Variants in PCCA observed in about 807,000 individuals in gnomAD.
PCCA encodes the protein propionyl-CoA carboxylase subunit alpha.
In PCCA, 74 loss-of-function variants were observed where a neutral mutation model predicts 101.3. That is an observed-to-expected ratio of 0.73 (90% CI 0.61 to 0.89). The LOEUF (loss-of-function observed/expected upper bound fraction) is 0.89. Among genes scored for constraint, PCCA ranks in the 40% least tolerant of loss-of-function variants. PCCA has a pLI of 0.00. For synonymous variants in PCCA, 294 were observed against 313.6 expected (o/e 0.94, Z 0.66); for missense variants, 891 against 907.0 (o/e 0.98, Z 0.23).
intron 18 of PCCA, among the ~76,000 whole-genome samples, chr13:100,348,922 T>TC (rs2072892836): frequency 1.4e-4 from 9 of 66,394 alleles, no homozygotes; most frequent in Non-Finnish European, 2.5e-4. Context: ...TTCTTTTCTT[T>TC]TCTTTTCTTT....
In PCCA at chr13:100,378,174, C is replaced by T. The variant is rs544885319; in HGVS notation, c.1746+9600C>T. 2.6e-5 allele frequency among the ~76,000 whole-genome samples: 4 copies of T among 152,282 alleles called. No homozygotes were observed. The South Asian group carries it at 8.3e-4, about 32-fold the overall frequency. On this transcript the variant is annotated intron_variant, in intron 19 of 23. Coordinates refer to ENST00000376285, the MANE Select transcript of PCCA (RefSeq NM_000282.4). ...CTTGTCTGGGAAAGACTTTATTTCT[C>T]CTTCATTAATGAAGGATATTATTAC...
At chr13:100,288,686 A>G (rs1195610321) in intron 12 of PCCA, among the ~76,000 whole-genome samples, 1 of 152,240 alleles carries the variant, frequency 6.6e-6, no homozygotes, top group Non-Finnish European at 1.5e-5. Flanking sequence ...TATCATAAGA[A>G]TAGGTTCATT....
Position 100,437,514 on chromosome 13 carries a change from CTATTTTA to C in PCCA, c.1846-11732_1846-11726del, listed in dbSNP as rs531413624. Among the ~76,000 whole-genome samples the C allele has an allele frequency of 9.5e-4, 142 of 149,838 alleles. 3 individuals carry two copies. In the South Asian group the frequency reaches 0.03, roughly 31 times the overall value. ...TCATCATTTAAGGAAAATGAAATAACTATTTTATATTTATTTGTTTATTTGTTTTTTT... is the reference window on the plus strand; with the variant it reads ...TCATCATTTAAGGAAAATGAAATAACTATTTATTTGTTTATTTGTTTTTTT... On this transcript the variant is annotated intron_variant, in intron 20 of 23. Coordinates refer to ENST00000376285, the MANE Select transcript of PCCA (RefSeq NM_000282.4).
At chr13:100,503,834 G>A (rs1410985984) in intron 21 of PCCA, among the ~76,000 whole-genome samples, 4 of 152,206 alleles carry the variant, frequency 2.6e-5, no homozygotes, top group Non-Finnish European at 4.4e-5. Context: ...CATGGGCTGA[G>A]GAGGTTGAGG....
At chr13:100,449,936 A>T (rs2081099526) in intron 21 of PCCA, among the ~76,000 whole-genome samples, 1 of 152,256 alleles carries the variant, frequency 6.6e-6, no homozygotes, top group African/African-American at 2.4e-5. Context: ...ATCATATATT[A>T]GAACACAACT....
At chr13:100,341,176 C>T (rs1469085983) in intron 18 of PCCA, among the ~76,000 whole-genome samples, 1 of 151,972 alleles carries the variant, frequency 6.6e-6, no homozygotes, top group African/African-American at 2.4e-5. Context: ...TGGTAGCTAC[C>T]AGGGAGAGAT....
intron 4 of PCCA, among the ~76,000 whole-genome samples, chr13:100,147,189 A>G (rs936024347): frequency 2.6e-5 from 4 of 152,224 alleles, no homozygotes; most frequent in African/African-American, 9.6e-5. Context: ...ATGGCTGGAT[A>G]ACAGGAAATG....
At chr13:100,524,938 A>G (rs895135152) in intron 22 of PCCA, among the ~76,000 whole-genome samples, 2 of 152,008 alleles carry the variant, frequency 1.3e-5, no homozygotes, top group Non-Finnish European at 2.9e-5. Flanking sequence ...GATAAAATAG[A>G]TTAGATAGGA....
chr13:100,091,619 C>T (rs1169372108), intron 1 of PCCA, among the ~76,000 whole-genome samples: 4 of 152,160 alleles, frequency 2.6e-5, no homozygotes, highest in Non-Finnish European at 5.9e-5. Flanking sequence ...TAACCCCTCC[C>T]ATCCCTCCCT....
At chr13:100,481,537 G>A (rs992728166) in intron 21 of PCCA, among the ~76,000 whole-genome samples, 2 of 152,076 alleles carry the variant, frequency 1.3e-5, no homozygotes, top group Admixed American at 6.5e-5. Context: ...CAGCCTGGGC[G>A]ACAGAGCCAG....
chr13:100,195,445 A>G (rs1010499628), intron 6 of PCCA, among the ~76,000 whole-genome samples: 6 of 152,220 alleles, frequency 3.9e-5, no homozygotes, highest in Admixed American at 2.6e-4. Context: ...AGTATTTGGC[A>G]AAGTATTTTC....
At position 100,476,935 on chromosome 13, in the gene PCCA, T is replaced by A. The variant is rs559989693; in HGVS notation, c.1899+27630T>A. Among the ~76,000 whole-genome samples, 87 of 152,356 alleles carry A rather than the reference T, an allele frequency of 5.7e-4. No homozygotes were observed. In the South Asian group the frequency reaches 0.018, roughly 32 times the overall value. On this transcript the variant is annotated intron_variant, in intron 21 of 23. Coordinates refer to ENST00000376285, the MANE Select transcript of PCCA (RefSeq NM_000282.4). ...TGAAGCTCGTCACTTTATTCTGCCATATTTTAGTTTTGTGGTATTAAATCT... is the reference window on the plus strand; with the variant it reads ...TGAAGCTCGTCACTTTATTCTGCCAAATTTTAGTTTTGTGGTATTAAATCT...
At chr13:100,119,788 A>G (rs999155533) in intron 4 of PCCA, among the ~76,000 whole-genome samples, 10 of 152,104 alleles carry the variant, frequency 6.6e-5, no homozygotes, top group Non-Finnish European at 7.4e-5. Flanking sequence ...TTAAAACCCA[A>G]TCTTCTAGAT....
At chr13:100,220,424 T>TC (rs2059756080) in intron 7 of PCCA, among the ~76,000 whole-genome samples, 1 of 126,326 alleles carries the variant, frequency 7.9e-6, no homozygotes, top group African/African-American at 3.0e-5. Context: ...CATGCCTGAC[T>TC]AATTTTTTTT....
At chr13:100,299,755 G>A (rs998811777) in intron 12 of PCCA, among the ~76,000 whole-genome samples, 17 of 151,774 alleles carry the variant, frequency 1.1e-4, no homozygotes, top group African/African-American at 2.7e-4. Context: ...TCGCTCTGTT[G>A]CCCAGACTGG....
At chr13:100,455,353 C>T (rs2081625831) in intron 21 of PCCA, among the ~76,000 whole-genome samples, 1 of 152,206 alleles carries the variant, frequency 6.6e-6, no homozygotes, top group South Asian at 2.1e-4. Flanking sequence ...CTAACATCTT[C>T]CCGACTTGTA....
At chr13:100,207,557 GT>G (rs2058938898) in intron 6 of PCCA, among the ~76,000 whole-genome samples, 1 of 151,676 alleles carries the variant, frequency 6.6e-6, no homozygotes, top group Non-Finnish European at 1.5e-5. Flanking sequence ...ATTTTTGGTA[GT>G]TTTAGTAGAG....
At chr13:100,115,346 C>A (rs1343778046) in intron 4 of PCCA, among the ~76,000 whole-genome samples, 1 of 152,020 alleles carries the variant, frequency 6.6e-6, no homozygotes, top group Non-Finnish European at 1.5e-5. Context: ...TAAATAAGAT[C>A]TTGTATTTGA....
intron 19 of PCCA, among the ~76,000 whole-genome samples, chr13:100,392,442 ATTTTAT>A (rs2076844526): frequency 6.6e-6 from 1 of 152,244 alleles, no homozygotes; most frequent in Non-Finnish European, 1.5e-5. Context: ...GAAAACAATG[ATTTTAT>A]TTATAAATTT....
Sources: gnomAD v4.1 joint callset for allele counts (sites outside exome capture counted in the v4.1 genomes callset) on GRCh38, gnomAD v4.1.1 for gene constraint, MANE v1.5 for transcripts, NCBI Gene and HGNC (gene_info 2026-07-23, HGNC 2026-07-21) for gene names.